Variants in MTRR observed in about 807,000 individuals in gnomAD.
MTRR encodes the protein methionine synthase reductase.
MTRR carries 63 observed loss-of-function variants against 79.2 expected under a neutral mutation model. The observed-to-expected ratio is 0.80, with a 90% confidence interval of 0.65 to 0.98. The LOEUF (loss-of-function observed/expected upper bound fraction) is 0.98. Ranked by LOEUF, MTRR falls within the 50% of genes least tolerant of loss-of-function variation. The probability of loss-of-function intolerance (pLI) is 0.00; values close to 1 mark genes in which losing one functional copy is unlikely to be tolerated. For synonymous variants in MTRR, 355 were observed against 313.3 expected (o/e 1.13, Z -1.41); for missense variants, 895 against 839.6 (o/e 1.07, Z -0.82).
At chr5:7,875,193 A>G (rs1748668015) in intron 3 of MTRR, 65 bp from the exon 4 acceptor site, 1 of 1,018,724 alleles carries the variant, frequency 9.8e-7, no homozygotes, top group Non-Finnish European at 1.6e-6. Context: ...TATTTTATTT[A>G]CCTAGTCTTT....
Position 7,885,722 on chromosome 5 carries a change from C to G in MTRR, c.925C>G (p.Pro309Ala). ...CTAGAATACAGACTTTTCCTATCAG[C>G]CTGGAGATGCCTTCAGCGTGATCTG... Reference protein sequence around the residue: ...DISNTDFSYQPGDAFSVICPN... With the variant: ...DISNTDFSYQAGDAFSVICPN... Residue 309 changes from proline to alanine, a missense_variant, in exon 7 of 15, where the codon CCT (proline) becomes GCT (alanine). Physicochemically the swap from Pro to Ala is conservative, Grantham distance 27. Transcript: ENST00000440940. 6.2e-7 allele frequency: 1 copy of G among 1,612,896 alleles called. No individual in the cohort carries two copies. The highest frequency in any genetic ancestry group is 1.1e-5 in the South Asian group (1 of 91,038).
At position 7,870,786 on chromosome 5, in the gene MTRR, C is replaced by G. The variant is rs2126643522; in HGVS notation, c.-9C>G. 1 of 1,614,096 alleles carries G rather than the reference C, an allele frequency of 6.2e-7. No individual in the cohort carries two copies. The highest frequency in any genetic ancestry group is 8.5e-7 in the Non-Finnish European group (1 of 1,180,024). On this transcript the variant is annotated 5_prime_UTR_variant, in exon 2 of 15. Transcript: ENST00000440940. ...ATTTTTCAGTTTCACTGTTACATGCCTTGAAGTGATGAGGAGGTTTCTGTT... is the reference window on the plus strand; with the variant it reads ...ATTTTTCAGTTTCACTGTTACATGCGTTGAAGTGATGAGGAGGTTTCTGTT...
intron 8 of MTRR, 117 bp downstream of exon 8, chr5:7,886,820 G>A: frequency 1.2e-6 from 1 of 805,130 alleles, no homozygotes; most frequent in South Asian, 1.4e-5. Context: ...GATCTTGATA[G>A]CATGTTTTTA....
intron 2 of MTRR, chr5:7,863,060 GA>G: frequency 7.0e-7 from 1 of 1,436,374 alleles, no homozygotes; most frequent in Non-Finnish European, 9.7e-7. Flanking sequence ...AGAATAAATT[GA>G]AGGTTACCTA....
upstream of MTRR, chr5:7,868,910 G>T: frequency 1.6e-6 from 1 of 616,788 alleles, no homozygotes; most frequent in Non-Finnish European, 2.9e-6. Flanking sequence ...CGCAGCCTGA[G>T]GAGAAAGCCG....
chr5:7,891,160 ATCT>A (rs1737477298), intron 9 of MTRR, among the ~76,000 whole-genome samples: 4 of 152,184 alleles, frequency 2.6e-5, no homozygotes, highest in Non-Finnish European at 4.4e-5. Flanking sequence ...AAGAAAATGC[ATCT>A]TATCTGGTTT....
chr5:7,855,153 G>T (rs1045609191), intron 1 of MTRR, among the ~76,000 whole-genome samples: 1 of 152,144 alleles, frequency 6.6e-6, no homozygotes, highest in African/African-American at 2.4e-5. Flanking sequence ...GACTTCAGTG[G>T]TAGAATCTCT....
intron 1 of MTRR, among the ~76,000 whole-genome samples, chr5:7,852,364 C>T (rs1366242438): frequency 6.6e-6 from 1 of 152,108 alleles, no homozygotes; most frequent in East Asian, 1.9e-4. Context: ...CCCGGTGCCA[C>T]CACGCTTTTT....
chr5:7,859,836 C>T (rs1274556843), intron 1 of MTRR, among the ~76,000 whole-genome samples: 4 of 152,080 alleles, frequency 2.6e-5, no homozygotes, highest in Non-Finnish European at 4.4e-5. Flanking sequence ...TTAAATTACA[C>T]AATAAATATA....
Position 7,887,756 on chromosome 5 carries a change from ATG to A in MTRR, c.1146+1061_1146+1062del, listed in dbSNP as rs763603200. On this transcript the variant is annotated intron_variant, in intron 8 of 14. Coordinates refer to ENST00000440940, the MANE Select transcript of MTRR (RefSeq NM_002454.3). ...TGTGTATATATATGTGTGTGTATAT[ATG>A]TGTGTGTATGTATATATTTGTGTGT... Among the ~76,000 whole-genome samples the A allele has an allele frequency of 3.1e-3, 445 of 141,308 alleles. 1 individual carries two copies. The highest frequency in any genetic ancestry group is 5.0e-3 in the Non-Finnish European group (330 of 65,662). 92.7% of individuals were successfully genotyped at this position (141,308 alleles called of 152,430 possible). A position where few individuals can be genotyped will look rare whatever the true frequency, so the allele number is the denominator to read the frequency against.
intron 1 of MTRR, among the ~76,000 whole-genome samples, chr5:7,858,618 T>A (rs1006735419): frequency 1.3e-5 from 2 of 152,150 alleles, no homozygotes; most frequent in Non-Finnish European, 2.9e-5. Flanking sequence ...CCAGCTAACT[T>A]GCACTGTGTG....
chr5:7,889,049 C>G (rs1159406169), intron 8 of MTRR, 46 bp from the exon 9 acceptor site: 1 of 1,610,088 alleles, frequency 6.2e-7, no homozygotes, highest in Non-Finnish European at 8.5e-7. Context: ...TCTAATAGCT[C>G]TACCCACAAA....
intron 9 of MTRR, among the ~76,000 whole-genome samples, 183 bp downstream of exon 9, chr5:7,889,458 T>G (rs998242346): frequency 6.6e-6 from 1 of 152,224 alleles, no homozygotes; most frequent in Non-Finnish European, 1.5e-5. Context: ...TTCAGGGTGC[T>G]GTGACATCTG....
At chr5:7,872,462 T>C (rs990779841) in intron 2 of MTRR, among the ~76,000 whole-genome samples, 1 of 152,236 alleles carries the variant, frequency 6.6e-6, no homozygotes, top group Non-Finnish European at 1.5e-5. Flanking sequence ...TAAACTTACA[T>C]GAGAATAAGA....
intron 1 of MTRR, among the ~76,000 whole-genome samples, chr5:7,857,365 T>C (rs1746278536): frequency 6.6e-6 from 1 of 152,192 alleles, no homozygotes; most frequent in Non-Finnish European, 1.5e-5. Flanking sequence ...TGACAAAGCT[T>C]GTCAAATTTG....
Position 7,889,085 on chromosome 5 carries a change from C to G in MTRR, c.1147-10C>G. On this transcript the variant is annotated splice_polypyrimidine_tract_variant and intron_variant, in intron 8 of 14. Transcript: ENST00000440940. ...TTGTGTCACAATTTAAGGCGGGCTC[C>G]TTTTTGTAGGCATTTTTGCGAGCCC... 6.2e-7 allele frequency: 1 copy of G among 1,614,064 alleles called. No individual in the cohort carries two copies. The highest frequency in any genetic ancestry group is 8.5e-7 in the Non-Finnish European group (1 of 1,180,028).
chr5:7,874,912 A>G (rs1292912746), intron 3 of MTRR, among the ~76,000 whole-genome samples: 1 of 152,206 alleles, frequency 6.6e-6, no homozygotes, highest in Admixed American at 6.5e-5. Context: ...GTATCAGAAA[A>G]AATGTACAGA....
At chr5:7,868,200 G>GAA (rs34274545), upstream of MTRR, 511 of 224,852 alleles carry the variant, frequency 2.3e-3, 3 homozygotes, top group Non-Finnish European at 3.0e-3. Flanking sequence ...CGAGTATCTG[G>GAA]AAAAAAAAAA....
At chr5:7,853,492 A>C (rs570190222) in intron 1 of MTRR, among the ~76,000 whole-genome samples, 1 of 152,346 alleles carries the variant, frequency 6.6e-6, no homozygotes, top group East Asian at 1.9e-4. Context: ...TACAGTAGGA[A>C]GTCAAATATT....
Sources: allele counts gnomAD v4.1 joint callset (sites outside exome capture counted in the v4.1 genomes callset), GRCh38; gene constraint gnomAD v4.1.1; transcripts MANE v1.5; gene names NCBI Gene and HGNC (gene_info 2026-07-23, HGNC 2026-07-21).